Variants in RABGAP1L observed in about 807,000 individuals in gnomAD.
RABGAP1L encodes the protein RAB GTPase activating protein 1 like.
In RABGAP1L, 63 loss-of-function variants were observed where a neutral mutation model predicts 137.7. The observed-to-expected ratio is 0.46, with a 90% confidence interval of 0.37 to 0.56. The LOEUF (loss-of-function observed/expected upper bound fraction) is 0.56, where lower values mean the gene tolerates loss of function less well. RABGAP1L is among the 20% of genes least tolerant of loss of function. The pLI, the probability that RABGAP1L is intolerant of heterozygous loss-of-function variation, is 0.00. For synonymous variants in RABGAP1L, 431 were observed against 433.7 expected, an observed-to-expected ratio of 0.99 and a Z score of 0.08; for missense variants, 1,095 against 1,244.0, an observed-to-expected ratio of 0.88 and a Z score of 1.80.
In RABGAP1L at chr1:174,433,338, G is replaced by C. The variant is rs563480949; in HGVS notation, c.1710+39193G>C. 1.1e-4 allele frequency among the ~76,000 whole-genome samples: 17 copies of C among 152,234 alleles called. No homozygotes were observed. The South Asian group carries it at 1.4e-3, about 13-fold the overall frequency. The stretch of plus-strand genomic sequence containing the variant: ...GAGAAGAAAGGTCATACTGTGTATG[G>C]TTTTATTTTATTGCTCTGCATACTG... On this transcript the variant is annotated intron_variant, in intron 13 of 25. Transcript: ENST00000681986.
chr1:174,770,294 C>G (rs1686014396), intron 18 of RABGAP1L, among the ~76,000 whole-genome samples: 1 of 152,050 alleles, frequency 6.6e-6, no homozygotes, highest in Admixed American at 6.6e-5. Flanking sequence ...AACAAACCAA[C>G]AAACACAAAT....
At chr1:174,645,161 CGTT>C (rs113551292) in intron 14 of RABGAP1L, among the ~76,000 whole-genome samples, 18 of 151,992 alleles carry the variant, frequency 1.2e-4, no homozygotes, top group South Asian at 8.3e-4. Flanking sequence ...TATCACATAA[CGTT>C]GTGTTGTAAA....
intron 15 of RABGAP1L, among the ~76,000 whole-genome samples, chr1:174,686,649 T>C (rs1387079592): frequency 2.2e-5 from 1 of 45,202 alleles, no homozygotes; most frequent in Non-Finnish European, 3.6e-5. Context: ...CAAAGCAATC[T>C]TTTTTTTTTT....
intron 1 of RABGAP1L, among the ~76,000 whole-genome samples, chr1:174,216,548 C>G (rs1440152398): frequency 1.3e-5 from 2 of 150,354 alleles, no homozygotes; most frequent in African/African-American, 4.9e-5. Flanking sequence ...ATTCCTCCCT[C>G]TCTCCCCCTC....
intron 1 of RABGAP1L, among the ~76,000 whole-genome samples, chr1:174,194,001 C>T (rs1039784288): frequency 3.3e-5 from 5 of 151,948 alleles, no homozygotes; most frequent in Admixed American, 6.6e-5. Flanking sequence ...AATTAAGGCA[C>T]GGAGAGACCA....
chr1:174,545,735 G>A (rs1665954604), intron 13 of RABGAP1L: 2 of 152,298 alleles, frequency 1.3e-5, no homozygotes, highest in East Asian at 1.9e-4. Flanking sequence ...TCAAACCTGA[G>A]TTGTAATACT....
rs1255481390 is a variant in RABGAP1L at position 174,328,006 on chromosome 1, T to TAC, written c.1465+22880_1465+22881insCA. 7.4e-5 allele frequency among the ~76,000 whole-genome samples: 10 copies of TAC among 134,584 alleles called. 1 individual carries two copies. Among genetic ancestry groups the TAC allele is most frequent in the African/African-American group, 3.1e-4 (10 of 32,666 alleles). 88.3% of individuals were successfully genotyped at this position (134,584 alleles called of 152,430 possible). A position where few individuals can be genotyped will look rare whatever the true frequency, so the allele number is the denominator to read the frequency against. On this transcript the variant is annotated intron_variant, in intron 11 of 25. Coordinates refer to ENST00000681986, the MANE Select transcript of RABGAP1L (RefSeq NM_001366446.1). ...ACACACATATATATATATATATATA[T>TAC]ATATATATATATATATATACCCAAC... is the stretch of plus-strand genomic sequence containing the variant.
intron 13 of RABGAP1L, among the ~76,000 whole-genome samples, chr1:174,404,628 A>G (rs1401436645): frequency 6.6e-6 from 1 of 152,166 alleles, no homozygotes; most frequent in Non-Finnish European, 1.5e-5. Flanking sequence ...TATTCAGTTC[A>G]TCTTTAAGTA....
At chr1:174,699,674 A>C (rs113771758) in intron 16 of RABGAP1L, 24 bp downstream of exon 16, 3 of 1,576,714 alleles carry the variant, frequency 1.9e-6, no homozygotes, top group Admixed American at 3.4e-5. Flanking sequence ...AGGAACTTTT[A>C]TCACTCAGGG....
intron 19 of RABGAP1L, among the ~76,000 whole-genome samples, chr1:174,870,730 A>G (rs1403414423): frequency 3.3e-5 from 5 of 150,840 alleles, no homozygotes; most frequent in African/African-American, 1.2e-4. Flanking sequence ...AGCTGCCACT[A>G]TTATAACTTC....
At position 174,543,580 on chromosome 1, in the gene RABGAP1L, T is replaced by G. The variant is rs567438701; in HGVS notation, c.1711-93795T>G. Among the ~76,000 whole-genome samples, 66 of 152,342 alleles carry G rather than the reference T, an allele frequency of 4.3e-4. 1 individual carries two copies. Among genetic ancestry groups the G allele is most frequent in the Admixed American group, 1.9e-3 (29 of 15,300 alleles). On this transcript the variant is annotated intron_variant, in intron 13 of 25. Coordinates refer to ENST00000681986, the MANE Select transcript of RABGAP1L (RefSeq NM_001366446.1). ...CAGTCTGTGTCTTTTAATTGAAACA[T>G]TTAGCCCATTTACATTTATAGTTAA... is the stretch of plus-strand genomic sequence containing the variant.
At chr1:174,654,088 G>A (rs1300138776) in intron 14 of RABGAP1L, among the ~76,000 whole-genome samples, 1 of 152,194 alleles carries the variant, frequency 6.6e-6, no homozygotes, top group Non-Finnish European at 1.5e-5. Context: ...TGCAAATATT[G>A]TAGATGTAGT....
At chr1:174,619,971 A>T (rs1262589164) in intron 13 of RABGAP1L, among the ~76,000 whole-genome samples, 1 of 152,194 alleles carries the variant, frequency 6.6e-6, no homozygotes, top group Non-Finnish European at 1.5e-5. Context: ...AAAACAAAAA[A>T]AGGTACGGGT....
intron 18 of RABGAP1L, among the ~76,000 whole-genome samples, chr1:174,798,556 T>C (rs1453168821): frequency 6.6e-6 from 1 of 152,178 alleles, no homozygotes; most frequent in East Asian, 1.9e-4. Context: ...CAAAACCAAA[T>C]AATATATTGT....
At chr1:174,763,909 C>T (rs1419999111) in intron 18 of RABGAP1L, among the ~76,000 whole-genome samples, 1 of 151,532 alleles carries the variant, frequency 6.6e-6, no homozygotes, top group Non-Finnish European at 1.5e-5. Context: ...CACCCATCAC[C>T]TTTATCTAAT....
intron 24 of RABGAP1L, among the ~76,000 whole-genome samples, chr1:174,985,962 G>A (rs888838115): frequency 6.7e-5 from 10 of 149,788 alleles, no homozygotes; most frequent in African/African-American, 2.2e-4. Flanking sequence ...TTTTTGAGAC[G>A]GGGTCTCGCC....
intron 1 of RABGAP1L, among the ~76,000 whole-genome samples, chr1:174,169,038 CTTTCTG>C (rs1174637711): frequency 1.3e-5 from 2 of 152,184 alleles, no homozygotes; most frequent in East Asian, 1.9e-4. Flanking sequence ...CGGCATTTGA[CTTTCTG>C]TTTCTGAGTT....
intron 13 of RABGAP1L, among the ~76,000 whole-genome samples, chr1:174,626,024 G>T (rs955114937): frequency 6.6e-5 from 10 of 152,200 alleles, no homozygotes; most frequent in African/African-American, 2.2e-4. Flanking sequence ...ACTTCGGAAA[G>T]TAACAGCATG....
intron 13 of RABGAP1L, among the ~76,000 whole-genome samples, chr1:174,589,214 C>T (rs937313486): frequency 1.3e-5 from 2 of 152,132 alleles, no homozygotes; most frequent in Non-Finnish European, 2.9e-5. Context: ...ATGTTGAGCA[C>T]TTTTTTATAT....
Sources: gnomAD v4.1 joint callset for allele counts (sites outside exome capture counted in the v4.1 genomes callset) on GRCh38, gnomAD v4.1.1 for gene constraint, MANE v1.5 for transcripts, NCBI Gene and HGNC (gene_info 2026-07-23, HGNC 2026-07-21) for gene names.